The following LRMDA variants were observed in gnomAD, a reference collection of about 807,000 sequenced individuals.
The protein encoded by LRMDA is leucine rich melanocyte differentiation associated.
LRMDA carries 18 observed loss-of-function variants against 29.8 expected under a neutral mutation model. The observed-to-expected ratio is 0.60, with a 90% CI of 0.42 to 0.90. The LOEUF is 0.90. Among genes scored for constraint, LRMDA ranks in the 40% least tolerant of loss-of-function variants. The pLI, the probability that LRMDA is intolerant of heterozygous loss-of-function variation, is 0.00. For synonymous variants in LRMDA, 125 were observed against 109.4 expected, an observed-to-expected ratio of 1.14 and a Z score of -0.89; for missense variants, 273 against 273.9, an observed-to-expected ratio of 1.00 and a Z score of 0.02.
intron 2 of LRMDA, among the ~76,000 whole-genome samples, chr10:75,974,265 A>G (rs543279403): frequency 6.6e-6 from 1 of 152,268 alleles, no homozygotes; most frequent in Non-Finnish European, 1.5e-5. Flanking sequence ...GACTTTGACC[A>G]TGACTCATGG....
intron 2 of LRMDA, among the ~76,000 whole-genome samples, chr10:75,875,972 G>T (rs1845191040): frequency 2.0e-5 from 3 of 152,172 alleles, no homozygotes; most frequent in East Asian, 1.9e-4. Context: ...GACCCTGGTG[G>T]CAAGACATGC....
chr10:76,049,705 C>T (rs1184581909), intron 4 of LRMDA, among the ~76,000 whole-genome samples: 1 of 152,068 alleles, frequency 6.6e-6, no homozygotes. Context: ...ACTTTTGATT[C>T]TGGAGTTCCT....
chr10:76,246,920 C>T (rs1351062272), intron 5 of LRMDA, among the ~76,000 whole-genome samples: 1 of 152,184 alleles, frequency 6.6e-6, no homozygotes, highest in Non-Finnish European at 1.5e-5. Flanking sequence ...AGAGCCAGGT[C>T]AGGTCTTGGA....
chr10:75,853,922 T>C (rs1038134321), intron 2 of LRMDA, among the ~76,000 whole-genome samples: 4 of 152,190 alleles, frequency 2.6e-5, no homozygotes, highest in African/African-American at 9.7e-5. Flanking sequence ...ATGCAGCTAA[T>C]GGTCTTTCTG....
intron 2 of LRMDA, among the ~76,000 whole-genome samples, chr10:75,842,565 A>G (rs1331563064): frequency 6.6e-6 from 1 of 152,244 alleles, no homozygotes; most frequent in East Asian, 1.9e-4. Context: ...ACAGCATCTT[A>G]TAAATAAATG....
chr10:75,805,652 T>C (rs951852275), intron 2 of LRMDA, among the ~76,000 whole-genome samples: 1 of 152,156 alleles, frequency 6.6e-6, no homozygotes, highest in Non-Finnish European at 1.5e-5. Context: ...TGATTCTAGA[T>C]GGGTTACTTT....
At chr10:76,261,352 G>A (rs763069192) in intron 5 of LRMDA, among the ~76,000 whole-genome samples, 6 of 151,950 alleles carry the variant, frequency 3.9e-5, no homozygotes, top group Non-Finnish European at 5.9e-5. Flanking sequence ...GATTACAGGC[G>A]TGAGCTACTG....
chr10:76,299,902 T>C (rs541803366), intron 5 of LRMDA, among the ~76,000 whole-genome samples: 1 of 152,198 alleles, frequency 6.6e-6, no homozygotes, highest in Non-Finnish European at 1.5e-5. Context: ...GACAATTTGC[T>C]CAGCTTTCTG....
chr10:76,155,941 G>A (rs565381812), intron 5 of LRMDA, among the ~76,000 whole-genome samples: 4 of 152,190 alleles, frequency 2.6e-5, no homozygotes, highest in South Asian at 2.1e-4. Context: ...AGCAACTCAA[G>A]GTCTAATTGT....
At chr10:76,143,937 A>G (rs1321081329) in intron 5 of LRMDA, among the ~76,000 whole-genome samples, 1 of 152,192 alleles carries the variant, frequency 6.6e-6, no homozygotes, top group Non-Finnish European at 1.5e-5. Flanking sequence ...AGCACCATTT[A>G]TTAAATAGGG....
At chr10:76,261,379 G>A (rs541183378) in intron 5 of LRMDA, among the ~76,000 whole-genome samples, 4 of 151,928 alleles carry the variant, frequency 2.6e-5, no homozygotes, top group South Asian at 2.1e-4. Context: ...GCTGGCTTGC[G>A]TTTCAATCTA....
chr10:75,602,208 A>G (rs1261380055), intron 2 of LRMDA, among the ~76,000 whole-genome samples: 2 of 152,000 alleles, frequency 1.3e-5, no homozygotes, highest in Admixed American at 1.3e-4. Flanking sequence ...AAATATTCCA[A>G]ATGATGCACC....
intron 2 of LRMDA, among the ~76,000 whole-genome samples, chr10:75,496,574 T>A (rs574129981): frequency 1.3e-5 from 2 of 152,364 alleles, no homozygotes; most frequent in South Asian, 4.1e-4. Context: ...TGGCTAGAGA[T>A]GTTTTTCAGG....
intron 5 of LRMDA, among the ~76,000 whole-genome samples, chr10:76,158,782 C>T (rs190263066): frequency 1.3e-5 from 2 of 152,192 alleles, no homozygotes; most frequent in African/African-American, 2.4e-5. Context: ...GTTATTCCTT[C>T]TAATAACCTA....
intron 5 of LRMDA, among the ~76,000 whole-genome samples, chr10:76,151,162 C>A (rs556707360): frequency 6.6e-6 from 1 of 152,304 alleles, no homozygotes; most frequent in East Asian, 1.9e-4. Flanking sequence ...TGTACATTTC[C>A]TGTGAAGATC....
intron 2 of LRMDA, among the ~76,000 whole-genome samples, chr10:75,483,023 C>T (rs1461334099): frequency 6.6e-6 from 1 of 152,048 alleles, no homozygotes; most frequent in Non-Finnish European, 1.5e-5. Context: ...CAGCTTACTG[C>T]AACCATCACC....
chr10:75,916,621 T>C (rs991622700), intron 2 of LRMDA, among the ~76,000 whole-genome samples: 13 of 152,158 alleles, frequency 8.5e-5, no homozygotes, highest in African/African-American at 2.9e-4. Context: ...TAAAATAAGT[T>C]TTTCATTAAT....
chr10:76,073,027 C>T (rs1465236104), intron 5 of LRMDA, among the ~76,000 whole-genome samples: 2 of 152,148 alleles, frequency 1.3e-5, no homozygotes, highest in Non-Finnish European at 2.9e-5. Context: ...CCAAATCTTA[C>T]CACCCCCCAC....
chr10:76,296,276 C>G (rs190852177), intron 5 of LRMDA, among the ~76,000 whole-genome samples: 33 of 152,322 alleles, frequency 2.2e-4, no homozygotes, highest in Admixed American at 2.0e-3. Flanking sequence ...CTTGTCATCT[C>G]TGTTATGAGG....
Sources: gnomAD v4.1 joint callset for allele counts (sites outside exome capture counted in the v4.1 genomes callset) on GRCh38, gnomAD v4.1.1 for gene constraint, MANE v1.5 for transcripts, NCBI Gene and HGNC (gene_info 2026-07-23, HGNC 2026-07-21) for gene names.